The following PRDM15 variants were observed in gnomAD, a reference collection of about 807,000 sequenced individuals.
PRDM15 encodes PR/SET domain 15.
In PRDM15, 64 loss-of-function variants were observed where a neutral mutation model predicts 128.6. The observed-to-expected ratio is 0.50, with a 90% CI of 0.41 to 0.61. The LOEUF (loss-of-function observed/expected upper bound fraction) is 0.61. PRDM15 is among the 20% of genes least tolerant of loss of function. The pLI is 0.00. For synonymous variants in PRDM15, 615 were observed against 621.8 expected (o/e 0.99, Z 0.16); for missense variants, 1,242 against 1,569.1 (o/e 0.79, Z 3.52).
intron 1 of PRDM15, among the ~76,000 whole-genome samples, chr21:41,867,827 C>A (rs2145982968): frequency 6.6e-6 from 1 of 152,234 alleles, no homozygotes; most frequent in East Asian, 1.9e-4. Context: ...GAGGCCAAGG[C>A]AGGTGAATCA....
intron 21 of PRDM15, among the ~76,000 whole-genome samples, chr21:41,804,998 A>G (rs1394898739): frequency 6.6e-6 from 1 of 152,256 alleles, no homozygotes; most frequent in Non-Finnish European, 1.5e-5. Context: ...TCTATGAGCA[A>G]TCACCAAAAA....
chr21:41,878,433 A>G (rs868584478), intron 1 of PRDM15, among the ~76,000 whole-genome samples: 3 of 152,170 alleles, frequency 2.0e-5, no homozygotes, highest in African/African-American at 4.8e-5. Context: ...AGGAGTGTTT[A>G]TTTCCATGAG....
intron 5 of PRDM15, among the ~76,000 whole-genome samples, chr21:41,853,418 A>G (rs2063487517): frequency 6.6e-6 from 1 of 152,078 alleles, no homozygotes; most frequent in African/African-American, 2.4e-5. Context: ...GTCAATATCT[A>G]TTTCGCCCCC....
At chr21:41,818,450 CGCT>C (rs2062130431) in intron 18 of PRDM15, among the ~76,000 whole-genome samples, 1 of 109,328 alleles carries the variant, frequency 9.1e-6, no homozygotes, top group African/African-American at 2.7e-5. Context: ...GAGGTGCATG[CGCT>C]GCTTTTTTAA....
chr21:41,828,120 A>T lies in PRDM15; in HGVS notation c.1534+46T>A, dbSNP rs771713875. On this transcript the variant is annotated intron_variant, in intron 12 of 23. Coordinates refer to ENST00000398548, the MANE Select transcript of PRDM15 (RefSeq NM_001040424.3). This position sits in a 1 kb window ranked among gnomAD's most constrained non-coding sequence, Gnocchi z 5.7. Reference sequence around the variant, plus strand: ...TCCATGCCGCCCTGCCCCACCCCGCAGGAGCTGCCTCTCCCCGCCCGCAGC... The same window carrying T: ...TCCATGCCGCCCTGCCCCACCCCGCTGGAGCTGCCTCTCCCCGCCCGCAGC... The T allele has an allele frequency of 1.2e-6, 2 of 1,602,974 alleles. No homozygotes were observed. The highest frequency in any genetic ancestry group is 1.7e-6 in the Non-Finnish European group (2 of 1,175,340).
In PRDM15 at chr21:41,859,317, G is replaced by A. The variant is rs2063739377; in HGVS notation, c.131+275C>T. The A allele has an allele frequency of 1.6e-6, 2 of 1,212,562 alleles. No homozygotes were observed. The highest frequency in any genetic ancestry group is 2.4e-6 in the Non-Finnish European group (2 of 841,300). The allele number at this position is 1,212,562 out of a possible 1,614,324, so 75.1% of individuals were successfully genotyped here. On this transcript the variant is annotated intron_variant, in intron 3 of 23. Coordinates refer to ENST00000398548, the MANE Select transcript of PRDM15 (RefSeq NM_001040424.3). This position sits in a 1 kb window ranked among gnomAD's most constrained non-coding sequence, Gnocchi z 5.3. ...ACCACCTTGGCAAGTCCACTCTTCT[G>A]CAGCCTCCACACACTGTGTCGGGAA... is the stretch of plus-strand genomic sequence containing the variant.
intron 22 of PRDM15, 94 bp downstream of exon 22, chr21:41,804,440 G>C (rs963133256): frequency 1.0e-6 from 1 of 976,218 alleles, no homozygotes; most frequent in African/African-American, 1.6e-5. Flanking sequence ...GCCCAGAGCT[G>C]CTCCCTCCCG....
At chr21:41,833,599 C>T (rs1029628272) in intron 11 of PRDM15, among the ~76,000 whole-genome samples, 1 of 152,216 alleles carries the variant, frequency 6.6e-6, no homozygotes. Flanking sequence ...CAAACAAGCT[C>T]CATTTCAAGG....
chr21:41,801,255 C>T lies in PRDM15; in HGVS notation c.3411G>A (p.Gln1137=). 6.6e-7 allele frequency: 1 copy of T among 1,512,978 alleles called. No homozygotes were observed. Among genetic ancestry groups the T allele is most frequent in the Non-Finnish European group, 8.8e-7 (1 of 1,130,630 alleles). 93.7% of individuals were successfully genotyped at this position (1,512,978 alleles called of 1,614,324 possible). The change falls in exon 24 of 24, where the codon CAG becomes CAA. Residue 1137 remains glutamine (Q), a synonymous_variant. Coordinates refer to ENST00000398548, the MANE Select transcript of PRDM15 (RefSeq NM_001040424.3). The stretch of plus-strand genomic sequence containing the variant: ...GGAACGCAGCTCAGTAGCTGTACAT[C>T]TGCTGCTGCTGCTGCTCCGCCTGCA... ...PQVQAEQQQQ[Q]MYSY
At position 41,820,192 on chromosome 21, in the gene PRDM15, C is replaced by CTCAG; in HGVS notation, c.2061-22_2061-19dup. On this transcript the variant is annotated intron_variant, in intron 16 of 23. Coordinates refer to ENST00000398548, the MANE Select transcript of PRDM15 (RefSeq NM_001040424.3). ...GGATGTACCTGAAACCAGAGACAAG[C>CTCAG]TCAGGATGGCCGCACAGCCTCGGGG... 5 of 1,609,994 alleles carry CTCAG rather than the reference C, an allele frequency of 3.1e-6. No homozygotes were observed. Among genetic ancestry groups the CTCAG allele is most frequent in the Non-Finnish European group, 4.2e-6 (5 of 1,177,382 alleles).
intron 11 of PRDM15, chr21:41,834,684 C>T (rs1413555665): frequency 1.8e-5 from 13 of 734,294 alleles, no homozygotes; most frequent in Non-Finnish European, 3.0e-5. Context: ...GTGACTCCCA[C>T]ATCCCAGAGG....
chr21:41,806,978 C>A (rs1304999500), intron 21 of PRDM15, among the ~76,000 whole-genome samples: 1 of 150,166 alleles, frequency 6.7e-6, no homozygotes. Flanking sequence ...ACCATCAACA[C>A]CACCACCTCC....
chr21:41,803,247 G>A (rs2061465282), intron 22 of PRDM15: 1 of 363,004 alleles, frequency 2.8e-6, no homozygotes, highest in Non-Finnish European at 5.1e-6. Flanking sequence ...CTGCCCGGGT[G>A]AGCTGCTAGA....
intron 6 of PRDM15, among the ~76,000 whole-genome samples, chr21:41,846,316 A>G (rs995958873): frequency 6.6e-6 from 1 of 152,278 alleles, no homozygotes; most frequent in African/African-American, 2.4e-5. Flanking sequence ...CCTAAGAGAA[A>G]TAAACAGAAA....
intron 13 of PRDM15, among the ~76,000 whole-genome samples, chr21:41,824,290 G>A (rs965360686): frequency 7.9e-5 from 12 of 152,216 alleles, no homozygotes; most frequent in South Asian, 2.1e-4. Flanking sequence ...GGCTGACAGC[G>A]CTGTGCCCCA....
chr21:41,863,031 C>T (rs1182314502), intron 1 of PRDM15, among the ~76,000 whole-genome samples: 1 of 151,772 alleles, frequency 6.6e-6, no homozygotes, highest in African/African-American at 2.4e-5. Flanking sequence ...TAGCCAGGCG[C>T]GGTGGCACGT....
At chr21:41,826,447 A>G (rs1208283944) in intron 12 of PRDM15, among the ~76,000 whole-genome samples, 1 of 152,260 alleles carries the variant, frequency 6.6e-6, no homozygotes, top group Non-Finnish European at 1.5e-5. Context: ...TCTTATAGAT[A>G]GTGAAATAGG....
intron 13 of PRDM15, among the ~76,000 whole-genome samples, chr21:41,824,439 C>T (rs575809564): frequency 1.1e-4 from 17 of 152,322 alleles, no homozygotes; most frequent in African/African-American, 4.1e-4. Context: ...AATTCAGTCA[C>T]CCAAACTACA....
intron 9 of PRDM15, 88 bp downstream of exon 9, chr21:41,836,380 C>A: frequency 7.0e-7 from 1 of 1,426,434 alleles, no homozygotes; most frequent in Non-Finnish European, 9.6e-7. Context: ...GGAGACGACC[C>A]AAGGAGGGGA....
Sources: gnomAD v4.1 joint callset for allele counts (sites outside exome capture counted in the v4.1 genomes callset) on GRCh38, gnomAD v4.1.1 for gene constraint, Gnocchi (gnomAD v3.1) non-coding constraint, MANE v1.5 for transcripts, NCBI Gene and HGNC (gene_info 2026-07-23, HGNC 2026-07-21) for gene names.